The following BLTP3A variants were observed in gnomAD, a reference collection of about 807,000 sequenced individuals.
The protein encoded by BLTP3A is ICBP90 binding protein 1.
chr6:34,804,075 T>A, the BLTP3A span, among the ~76,000 whole-genome samples: 1 of 152,304 alleles, frequency 6.6e-6, no homozygotes, highest in Admixed American at 6.5e-5. Flanking sequence ...TGAGCCTCAG[T>A]AAATCCCCAC....
the BLTP3A span, among the ~76,000 whole-genome samples, chr6:34,860,204 A>C: frequency 6.6e-6 from 1 of 152,162 alleles, no homozygotes; most frequent in African/African-American, 2.4e-5. Flanking sequence ...GAAGAATTTC[A>C]TCCATTCAGC....
chr6:34,868,419 C>T, the BLTP3A span, among the ~76,000 whole-genome samples: 1 of 151,220 alleles, frequency 6.6e-6, no homozygotes, highest in Non-Finnish European at 1.5e-5. Context: ...CATAGCAAGA[C>T]CTCAGCTGTA....
the BLTP3A span, among the ~76,000 whole-genome samples, chr6:34,826,383 A>G: frequency 2.0e-5 from 3 of 148,010 alleles, no homozygotes; most frequent in Non-Finnish European, 3.0e-5. Flanking sequence ...TTTTGAGACA[A>G]AGTTTTGCTT....
At chr6:34,831,308 A>G in the BLTP3A span, among the ~76,000 whole-genome samples, 2 of 151,896 alleles carry the variant, frequency 1.3e-5, no homozygotes, top group African/African-American at 4.8e-5. Context: ...TTGTATTTTT[A>G]GTAGAGATGG....
the BLTP3A span, among the ~76,000 whole-genome samples, chr6:34,793,967 C>A: frequency 6.6e-6 from 1 of 151,606 alleles, no homozygotes; most frequent in South Asian, 2.1e-4. Context: ...GTTTGTCCAG[C>A]CCAGCCAACA....
the BLTP3A span, chr6:34,859,502 A>G: frequency 6.2e-7 from 1 of 1,614,158 alleles, no homozygotes; most frequent in Non-Finnish European, 8.5e-7. Context: ...CTGACTAAGG[A>G]TGCCTTCAGT....
At chr6:34,872,014 G>C in the BLTP3A span, 4 of 1,309,354 alleles carry the variant, frequency 3.1e-6, no homozygotes, top group African/African-American at 5.9e-5. Context: ...GGGCAAAAAG[G>C]TTGCGTGTGC....
the BLTP3A span, among the ~76,000 whole-genome samples, chr6:34,817,429 G>A: frequency 6.6e-6 from 1 of 152,284 alleles, no homozygotes; most frequent in African/African-American, 2.4e-5. Context: ...AAGGGCCTGG[G>A]ATTTTATTTT....
the BLTP3A span, among the ~76,000 whole-genome samples, chr6:34,807,605 G>A: frequency 6.6e-6 from 1 of 152,190 alleles, no homozygotes; most frequent in Non-Finnish European, 1.5e-5. Context: ...GCCCAGTATT[G>A]GAATGGCAGT....
At chr6:34,835,002 T>C in the BLTP3A span, 1 of 1,147,540 alleles carries the variant, frequency 8.7e-7, no homozygotes, top group Non-Finnish European at 1.2e-6. Flanking sequence ...TCAGTGTTGC[T>C]CAACATCCTC....
At chr6:34,856,643 A>G in the BLTP3A span, 6 of 1,161,978 alleles carry the variant, frequency 5.2e-6, no homozygotes, top group Non-Finnish European at 7.2e-6. Context: ...GAATAATATC[A>G]TTTTTGAGTT....
the BLTP3A span, among the ~76,000 whole-genome samples, chr6:34,838,926 A>G: frequency 1.4e-4 from 22 of 152,226 alleles, no homozygotes; most frequent in Middle Eastern, 6.8e-3. Flanking sequence ...GCGAGACCCA[A>G]TCTCCAAAAA....
the BLTP3A span, among the ~76,000 whole-genome samples, chr6:34,827,800 T>G: frequency 5.9e-5 from 9 of 152,012 alleles, no homozygotes; most frequent in African/African-American, 2.2e-4. Context: ...CCTGGCTAAT[T>G]TTTGTATTTT....
At chr6:34,849,614 A>T in the BLTP3A span, among the ~76,000 whole-genome samples, 1 of 152,154 alleles carries the variant, frequency 6.6e-6, no homozygotes, top group Non-Finnish European at 1.5e-5. Context: ...CACCATAATC[A>T]CAGGGTTATA....
At chr6:34,826,027 T>TTC in the BLTP3A span, among the ~76,000 whole-genome samples, 54,770 of 128,760 alleles carry the variant, frequency 0.43, 13,021 homozygotes, top group African/African-American at 0.64. Flanking sequence ...ACATTTTGCA[T>TTC]TTTTTTTTTT....
chr6:34,858,519 C>T, the BLTP3A span: 65 of 1,614,022 alleles, frequency 4.0e-5, no homozygotes, highest in Non-Finnish European at 5.3e-5. Flanking sequence ...TTGTAGCCCC[C>T]TTCCCCCTGT....
chr6:34,848,269 G>A, the BLTP3A span, among the ~76,000 whole-genome samples: 1 of 146,744 alleles, frequency 6.8e-6, no homozygotes, highest in African/African-American at 2.6e-5. Flanking sequence ...AGGCAACAGA[G>A]CAAGACCCTG....
chr6:34,873,307 G>T, the BLTP3A span: 1 of 152,424 alleles, frequency 6.6e-6, no homozygotes. Flanking sequence ...TTTCCCAGCT[G>T]TGCTGAGTGG....
At chr6:34,797,479 A>C in the BLTP3A span, among the ~76,000 whole-genome samples, 1 of 152,230 alleles carries the variant, frequency 6.6e-6, no homozygotes, top group Non-Finnish European at 1.5e-5. Flanking sequence ...GCCAGCCTCC[A>C]GTTGATAGTA....
Sources: gnomAD v4.1 joint callset for allele counts (sites outside exome capture counted in the v4.1 genomes callset) on GRCh38, gnomAD v4.1.1 for gene constraint, MANE v1.5 for transcripts, NCBI Gene and HGNC (gene_info 2026-07-23, HGNC 2026-07-21) for gene names.